Variants in MKRN2OS observed in about 807,000 individuals in gnomAD.
MKRN2OS encodes MKRN2 opposite strand protein.
Under a neutral mutation model 18.2 loss-of-function variants are expected in MKRN2OS, and 17 were observed. That is an observed-to-expected ratio of 0.93 (90% CI 0.64 to 1.40). The LOEUF (loss-of-function observed/expected upper bound fraction) is 1.40. MKRN2OS is among the 40% of genes most tolerant of loss of function. MKRN2OS has a pLI of 0.00. For missense variants in MKRN2OS, 337 were observed against 283.0 expected, an observed-to-expected ratio of 1.19 and a Z score of -1.37; for synonymous variants, 121 against 108.5, an observed-to-expected ratio of 1.12 and a Z score of -0.72.
chr3:12,549,667 C>T (rs537882321), upstream of MKRN2OS, among the ~76,000 whole-genome samples: 1 of 152,304 alleles, frequency 6.6e-6, no homozygotes, highest in South Asian at 2.1e-4. Context: ...CCCACTTCAG[C>T]CTCCCAATCA....
chr3:12,554,354 GGGAAAAGTCTAA>G (rs1220150812), intron 1 of MKRN2OS, among the ~76,000 whole-genome samples: 1 of 152,042 alleles, frequency 6.6e-6, no homozygotes, highest in Non-Finnish European at 1.5e-5. Context: ...TGCATCCTTC[GGGAAAAGTCTAA>G]GTGCTAAGTA....
exon 2 of MKRN2OS, chr3:12,553,794 G>T (rs921495157): frequency 2.1e-4 from 32 of 152,160 alleles, no homozygotes; most frequent in Non-Finnish European, 1.3e-4. Context: ...TAAACCATTA[G>T]AATTAATTCA....
chr3:12,548,654 C>T (rs1471030601), upstream of MKRN2OS, among the ~76,000 whole-genome samples: 1 of 152,046 alleles, frequency 6.6e-6, no homozygotes, highest in Non-Finnish European at 1.5e-5. Flanking sequence ...AAATAAACCA[C>T]ATGGTATTGT....
At chr3:12,543,116 C>G (rs2057838092) in intron 2 of MKRN2OS, 64 bp downstream of exon 2, 2 of 1,354,648 alleles carry the variant, frequency 1.5e-6, no homozygotes, top group Non-Finnish European at 2.0e-6. Flanking sequence ...AATCAAATCT[C>G]CACAAATACT....
intron 2 of MKRN2OS, among the ~76,000 whole-genome samples, chr3:12,542,964 C>T (rs560501034): frequency 1.0e-3 from 153 of 152,130 alleles, no homozygotes; most frequent in Non-Finnish European, 1.9e-3. Flanking sequence ...ACTGAGAAAA[C>T]GTTAAAGAGC....
chr3:12,560,252 CTG>C lies in MKRN2OS; in HGVS notation n.264+503_264+504del, dbSNP rs369572790. Among the ~76,000 whole-genome samples the C allele has an allele frequency of 3.6e-3, 543 of 152,200 alleles. 2 individuals are homozygous for C. The highest frequency in any genetic ancestry group is 0.012 in the African/African-American group (505 of 41,526). ...TATAATCACATTACAGATGGGGAAA[CTG>C]AGGCTCAGTGACTTAAATAACTTGC... On this transcript the variant is annotated intron_variant and non_coding_transcript_variant, in intron 1 of 1. Transcript: ENST00000447550.
intron 2 of MKRN2OS, among the ~76,000 whole-genome samples, chr3:12,542,228 A>T (rs2057824709): frequency 6.6e-6 from 1 of 152,174 alleles, no homozygotes. Flanking sequence ...TGTTATCAGC[A>T]ATCATTTCCT....
In MKRN2OS at chr3:12,540,339, C is replaced by T. The variant is rs867884079; in HGVS notation, c.526G>A (p.Glu176Lys). The T allele has an allele frequency of 2.0e-6, 3 of 1,536,108 alleles. No homozygotes were observed. Among genetic ancestry groups the T allele is most frequent in the Non-Finnish European group, 8.7e-7 (1 of 1,146,910 alleles). ...GGGACCACGTACTTCTCCGTAAATT[C>T]ACCCTTGTCCAGTTGCTGTCTACCT... ...AEGRQQLDKG[E>K]FTEKYVVPRT... Residue 176 changes from glutamate to lysine, a missense_variant, in exon 4 of 4, where the codon GAA becomes AAA. Coordinates refer to ENST00000564146, the MANE Select transcript of MKRN2OS (RefSeq NM_001195279.2).
exon 1 of MKRN2OS, chr3:12,560,963 C>T (rs1313647646): frequency 6.6e-6 from 1 of 152,192 alleles, no homozygotes; most frequent in Non-Finnish European, 1.5e-5. Flanking sequence ...TGACTATAAG[C>T]ACATGACAGA....
At chr3:12,547,038 G>C (rs2057890947), upstream of MKRN2OS, among the ~76,000 whole-genome samples, 1 of 152,110 alleles carries the variant, frequency 6.6e-6, no homozygotes, top group South Asian at 2.1e-4. Context: ...AGCCTGGAAG[G>C]TCGAGGGTGC....
chr3:12,557,052 T>G, intron 1 of MKRN2OS: 194 of 771,988 alleles, frequency 2.5e-4, no homozygotes, highest in Middle Eastern at 4.8e-4. Context: ...TGCGCCGGCG[T>G]GACGCGGCTA....
chr3:12,557,773 TTAG>T (rs1403825764), intron 1 of MKRN2OS, among the ~76,000 whole-genome samples: 1 of 152,214 alleles, frequency 6.6e-6, no homozygotes, highest in East Asian at 1.9e-4. Context: ...GTAAGACAAC[TTAG>T]TAGTTATTAT....
At chr3:12,541,408 G>A (rs544639008) in intron 3 of MKRN2OS, among the ~76,000 whole-genome samples, 14 of 152,100 alleles carry the variant, frequency 9.2e-5, no homozygotes, top group South Asian at 4.2e-4. Context: ...TAATAGAGAC[G>A]GGGTTTTACC....
At chr3:12,543,805 T>C (rs2057848910) in intron 1 of MKRN2OS, among the ~76,000 whole-genome samples, 1 of 150,510 alleles carries the variant, frequency 6.6e-6, no homozygotes, top group African/African-American at 2.5e-5. Context: ...GACACGAGAA[T>C]CGCTTGAACC....
Position 12,540,302 on chromosome 3 carries a change from A to G in MKRN2OS, c.563T>C (p.Leu188Pro), listed in dbSNP as rs1306582962. ...GTAGAGTGTGATGAACTTGGATGCC[A>G]GCCTTGTCCGCGGGACCACGTACTT... is the stretch of plus-strand genomic sequence containing the variant. ...TEKYVVPRTR[L>P]ASKFITLYRA... The change falls in exon 4 of 4, where the codon CTG (leucine) becomes CCG (proline). Residue 188 changes from leucine (L) to proline (P), a missense_variant. Coordinates refer to ENST00000564146, the MANE Select transcript of MKRN2OS (RefSeq NM_001195279.2). 2.6e-6 allele frequency: 4 copies of G among 1,536,006 alleles called. No homozygotes were observed. Among genetic ancestry groups the G allele is most frequent in the Non-Finnish European group, 3.5e-6 (4 of 1,146,916 alleles).
upstream of MKRN2OS, among the ~76,000 whole-genome samples, chr3:12,548,996 G>A (rs1201307416): frequency 2.0e-5 from 3 of 152,052 alleles, no homozygotes; most frequent in Admixed American, 1.3e-4. Context: ...GTGCAGTGGC[G>A]TGATCTTGCC....
At chr3:12,554,739 G>A (rs1299634170) in intron 1 of MKRN2OS, among the ~76,000 whole-genome samples, 2 of 152,070 alleles carry the variant, frequency 1.3e-5, no homozygotes, top group Admixed American at 6.6e-5. Context: ...GTGCAGAACA[G>A]TACGTTATGT....
chr3:12,550,728 T>C (rs59720635), downstream of MKRN2OS, among the ~76,000 whole-genome samples: 2,145 of 152,306 alleles, frequency 0.014, 53 homozygotes, highest in African/African-American at 0.046. Flanking sequence ...TCGAATTCTT[T>C]CTTCTGAGGA....
At chr3:12,552,106 T>G (rs1187453889), downstream of MKRN2OS, among the ~76,000 whole-genome samples, 1 of 151,912 alleles carries the variant, frequency 6.6e-6, no homozygotes, top group Admixed American at 6.6e-5. Context: ...AATCACCAAG[T>G]CAGGAGTTCA....
Sources: allele counts gnomAD v4.1 joint callset (sites outside exome capture counted in the v4.1 genomes callset), GRCh38; gene constraint gnomAD v4.1.1; transcripts MANE v1.5; gene names NCBI Gene and HGNC (gene_info 2026-07-23, HGNC 2026-07-21).